Variants in BBS7 observed in about 807,000 individuals in gnomAD.
The protein encoded by BBS7 is Bardet-Biedl syndrome 7.
Under a neutral mutation model 90.3 loss-of-function variants are expected in BBS7, and 50 were observed. The ratio of observed to expected loss-of-function variants is 0.55; its 90% CI spans 0.44 to 0.70. The LOEUF is 0.70. BBS7 is among the 30% of genes least tolerant of loss of function. The pLI is 0.00. For synonymous variants in BBS7, 235 were observed against 287.4 expected (o/e 0.82, Z 1.85); for missense variants, 729 against 838.9 (o/e 0.87, Z 1.62).
chr4:121,870,316 TGAC>T lies in BBS7; in HGVS notation c.-6_-4del. 6.2e-7 allele frequency: 1 copy of T among 1,614,124 alleles called. No homozygotes were observed. The highest frequency in any genetic ancestry group is 8.5e-7 in the Non-Finnish European group (1 of 1,179,996). On this transcript the variant is annotated 5_prime_UTR_variant, in exon 1 of 19. Coordinates refer to ENST00000264499, the MANE Select transcript of BBS7 (RefSeq NM_176824.3). ...ATTCGGTTTAAAATCAGATCCATGA[TGAC>T]TACGCGGAGGGGCTAAGCAGCGCCG...
rs779391175 is a variant in BBS7 at position 121,870,294 on chromosome 4, C to A, written c.20G>T (p.Arg7Leu). 2 of 1,614,140 alleles carry A rather than the reference C, an allele frequency of 1.2e-6. No individual in the cohort carries two copies. Among genetic ancestry groups the A allele is most frequent in the South Asian group, 1.1e-5 (1 of 91,080 alleles). The part of the protein sequence containing the change: MDLILN[R>L]MDYLQVGVTS... ...TGGGTTTACCTGCAGATAATCCATT[C>A]GGTTTAAAATCAGATCCATGATGAC... Residue 7 changes from arginine to leucine, a missense_variant, in exon 1 of 19, where the codon CGA (arginine) becomes CTA (leucine). Arg to Leu is a moderately radical substitution (Grantham distance 102, BLOSUM62 -2). Transcript: ENST00000264499.
Position 121,853,033 on chromosome 4 carries a change from G to A in BBS7, c.772C>T (p.Leu258Phe). The A allele has an allele frequency of 3.7e-6, 6 of 1,613,574 alleles. No homozygotes were observed. Among genetic ancestry groups the A allele is most frequent in the Non-Finnish European group, 4.2e-6 (5 of 1,179,712 alleles). The change falls in exon 8 of 19, where the codon CTT (leucine) becomes TTT (phenylalanine). Residue 258 changes from leucine to phenylalanine, a missense_variant. Transcript: ENST00000264499. ...DIVGDGVKDL[L>F]VGRDDGMVEV... ...ACCATTCCGTCATCTCTCCCAACAA[G>A]TAAATCTTTAACCCCATCACCCACA... is the stretch of plus-strand genomic sequence containing the variant.
At chr4:121,829,445 C>T (rs931953768) in intron 15 of BBS7, among the ~76,000 whole-genome samples, 3 of 152,126 alleles carry the variant, frequency 2.0e-5, no homozygotes, top group Non-Finnish European at 4.4e-5. Context: ...ACCATGTTGG[C>T]CAGGATGGTC....
At chr4:121,866,165 T>C (rs78829475) in intron 2 of BBS7, among the ~76,000 whole-genome samples, 2 of 152,278 alleles carry the variant, frequency 1.3e-5, no homozygotes, top group African/African-American at 2.4e-5. Context: ...TCCCATTCTA[T>C]AGATTGTCTT....
chr4:121,845,653 C>G lies in BBS7; in HGVS notation c.1081G>C (p.Glu361Gln). Residue 361 changes from glutamate (E) to glutamine (Q), a missense_variant, in exon 11 of 19, where the codon GAG becomes CAG. Physicochemically the swap from Glu to Gln is conservative, Grantham distance 29. Coordinates refer to ENST00000264499, the MANE Select transcript of BBS7 (RefSeq NM_176824.3). The stretch of plus-strand genomic sequence containing the variant: ...GATTGAGAAGACTGTTGATAATTCT[C>G]TCTTTCCTGCAATACCTTATACTGC... ...HLQYKVLQER[E>Q]NYQQSSQSSK... 1 of 1,613,300 alleles carries G rather than the reference C, an allele frequency of 6.2e-7. No homozygotes were observed. Among genetic ancestry groups the G allele is most frequent in the South Asian group, 1.1e-5 (1 of 91,054 alleles).
intron 13 of BBS7, 63 bp from the exon 14 acceptor site, chr4:121,835,346 T>C (rs903568626): frequency 6.3e-7 from 1 of 1,584,198 alleles, no homozygotes; most frequent in South Asian, 1.1e-5. Context: ...ATCTTTAGAA[T>C]GTTCAACATA....
At chr4:121,842,125 G>C (rs929713195) in intron 12 of BBS7, among the ~76,000 whole-genome samples, 1 of 151,530 alleles carries the variant, frequency 6.6e-6, no homozygotes, top group Non-Finnish European at 1.5e-5. Flanking sequence ...GGTGGCGTGT[G>C]CGTGTAGTCC....
In BBS7 at chr4:121,861,560, T is replaced by C. The variant is rs762265688; in HGVS notation, c.285A>G (p.Lys95=). The C allele has an allele frequency of 1.9e-6, 3 of 1,613,846 alleles. 1 individual carries two copies. The highest frequency in any genetic ancestry group is 2.5e-6 in the Non-Finnish European group (3 of 1,179,804). Residue 95 remains lysine (K), a synonymous_variant, in exon 4 of 19, where the codon AAA becomes AAG. Coordinates refer to ENST00000264499, the MANE Select transcript of BBS7 (RefSeq NM_176824.3). ...CAAAGGAGAGGAACTGTTTTCCTCT[T>C]TTTGTGAAGCCTCTAATCTCAGATG... The part of the protein sequence containing the change: ...AAASEIRGFT[K]RGKQFLSFET...
chr4:121,852,074 A>G (rs1176721950), intron 8 of BBS7, among the ~76,000 whole-genome samples: 1 of 152,258 alleles, frequency 6.6e-6, no homozygotes, highest in African/African-American at 2.4e-5. Context: ...TAGCAGGATG[A>G]CTTTTTACAC....
At chr4:121,867,002 T>C (rs185404908) in intron 2 of BBS7, among the ~76,000 whole-genome samples, 5 of 152,342 alleles carry the variant, frequency 3.3e-5, no homozygotes. Context: ...GCATTGAATC[T>C]GTAGATTGCT....
chr4:121,849,801 G>T (rs1726220062), intron 8 of BBS7, among the ~76,000 whole-genome samples: 1 of 152,170 alleles, frequency 6.6e-6, no homozygotes, highest in African/African-American at 2.4e-5. Context: ...CTGTACTCCA[G>T]TCTGGCGACA....
chr4:121,857,509 A>G (rs138147376), intron 5 of BBS7, among the ~76,000 whole-genome samples: 1 of 152,328 alleles, frequency 6.6e-6, no homozygotes, highest in Non-Finnish European at 1.5e-5. Context: ...CAAAACTGTT[A>G]AAAAGAGGCA....
Position 121,845,659 on chromosome 4 carries a change from C to G in BBS7, c.1075G>C (p.Glu359Gln), listed in dbSNP as rs1341476530. The change falls in exon 11 of 19, where the codon GAA (glutamate) becomes CAA (glutamine). Residue 359 changes from glutamate to glutamine, a missense_variant. By Grantham distance (29) the Glu-to-Gln change is conservative. Coordinates refer to ENST00000264499, the MANE Select transcript of BBS7 (RefSeq NM_176824.3). ...GAAGACTGTTGATAATTCTCTCTTT[C>G]CTGCAATACCTTATACTGCAAATGT... ...LEHLQYKVLQ[E>Q]RENYQQSSQS... is the part of the protein sequence containing the mutation. 9.3e-6 allele frequency: 15 copies of G among 1,613,092 alleles called. No homozygotes were observed. Among genetic ancestry groups the G allele is most frequent in the African/African-American group, 1.3e-5 (1 of 74,890 alleles).
Position 121,870,390 on chromosome 4 carries a change from C to T in BBS7, c.-77G>A. The T allele has an allele frequency of 6.4e-7, 1 of 1,566,144 alleles. No homozygotes were observed. The highest frequency in any genetic ancestry group is 8.8e-7 in the Non-Finnish European group (1 of 1,138,520). On this transcript the variant is annotated 5_prime_UTR_variant, in exon 1 of 19. Coordinates refer to ENST00000264499, the MANE Select transcript of BBS7 (RefSeq NM_176824.3). The stretch of plus-strand genomic sequence containing the variant: ...AGGCTTCGGGCCCGCAGGCCTCCGA[C>T]CCAGTCAGAAGGCTGCCCGCGCCCC...
At chr4:121,865,509 G>T (rs1727218337) in intron 2 of BBS7, among the ~76,000 whole-genome samples, 2 of 152,168 alleles carry the variant, frequency 1.3e-5, no homozygotes, top group Admixed American at 1.3e-4. Context: ...AAAGTGCTGG[G>T]ATTACAGGCG....
chr4:121,858,985 C>T lies in BBS7; in HGVS notation c.528+7G>A. ...TAAAAAATTAGAAAAATACAAATAA[C>T]AGCAACCTGTAAAACTCTGAGCACT... is the stretch of plus-strand genomic sequence containing the variant. On this transcript the variant is annotated splice_region_variant and intron_variant, in intron 5 of 18. Transcript: ENST00000264499. 1 of 1,611,818 alleles carries T rather than the reference C, an allele frequency of 6.2e-7. No individual in the cohort carries two copies. Among genetic ancestry groups the T allele is most frequent in the Non-Finnish European group, 8.5e-7 (1 of 1,178,400 alleles).
intron 2 of BBS7, among the ~76,000 whole-genome samples, chr4:121,866,970 C>T (rs967592684): frequency 6.6e-6 from 1 of 151,996 alleles, no homozygotes; most frequent in South Asian, 2.1e-4. Context: ...TGAAAAATGA[C>T]ATTGGTATTT....
Position 121,828,139 on chromosome 4 carries a change from C to T in BBS7, c.2014+7G>A. 2 of 1,613,640 alleles carry T rather than the reference C, an allele frequency of 1.2e-6. No individual in the cohort carries two copies. The highest frequency in any genetic ancestry group is 2.2e-5 in the South Asian group (2 of 91,018). The stretch of plus-strand genomic sequence containing the variant: ...TATGGCAAGGTATTCTAGAATGGTC[C>T]ACTAACCATAGAGTCTTTCAAGATG... On this transcript the variant is annotated splice_region_variant and intron_variant, in intron 18 of 18. Transcript: ENST00000264499.
Position 121,870,457 on chromosome 4 carries a change from C to A in BBS7, c.-144G>T. On this transcript the variant is annotated 5_prime_UTR_variant, in exon 1 of 19. Coordinates refer to ENST00000264499, the MANE Select transcript of BBS7 (RefSeq NM_176824.3). ...GCTACCGCGCCTAGGTCCTGGGCTG[C>A]ACAGGCGGGGCGACAGGGCAGTGGC... is the stretch of plus-strand genomic sequence containing the variant. 1.2e-6 allele frequency: 1 copy of A among 866,432 alleles called. No homozygotes were observed. The highest frequency in any genetic ancestry group is 1.5e-5 in the South Asian group (1 of 68,910). 53.7% of individuals were successfully genotyped at this position (866,432 alleles called of 1,614,324 possible).
Sources: allele counts gnomAD v4.1 joint callset (sites outside exome capture counted in the v4.1 genomes callset), GRCh38; gene constraint gnomAD v4.1.1; transcripts MANE v1.5; gene names NCBI Gene and HGNC (gene_info 2026-07-23, HGNC 2026-07-21).